GRK5: variants seen among roughly 807,000 people sequenced by gnomAD.
GRK5 encodes g protein-coupled receptor kinase GRK5.
In GRK5, 40 loss-of-function variants were observed where a neutral mutation model predicts 78.4. The observed-to-expected ratio is 0.51, with a 90% CI of 0.40 to 0.66. The LOEUF is 0.66. GRK5 is among the 30% of genes least tolerant of loss of function. GRK5 has a pLI of 0.00. For missense variants in GRK5, 598 were observed against 759.9 expected (o/e 0.79, Z 2.50); for synonymous variants, 289 against 296.8 (o/e 0.97, Z 0.27).
At chr10:119,208,103 C>T (rs189153116) in intron 1 of GRK5, 134 bp downstream of exon 1, 3 of 760,452 alleles carry the variant, frequency 3.9e-6, no homozygotes, top group South Asian at 3.8e-5. Flanking sequence ...CAGGACACTT[C>T]GGAGAGCGGC....
At chr10:119,260,984 G>T (rs1301500739) in intron 1 of GRK5, among the ~76,000 whole-genome samples, 4 of 150,216 alleles carry the variant, frequency 2.7e-5, no homozygotes, top group Non-Finnish European at 4.5e-5. Flanking sequence ...AGGGGCGGCC[G>T]GGCAGAGGCA....
chr10:119,304,851 G>A (rs1003515890), intron 1 of GRK5, among the ~76,000 whole-genome samples: 3 of 152,214 alleles, frequency 2.0e-5, no homozygotes, highest in African/African-American at 7.2e-5. Context: ...TTGCAGAAAG[G>A]CAGTTGTTCG....
chr10:119,237,789 G>T (rs1409265508), intron 1 of GRK5, among the ~76,000 whole-genome samples: 7 of 152,292 alleles, frequency 4.6e-5, no homozygotes, highest in Middle Eastern at 3.4e-3. Context: ...CTGGAAAATA[G>T]AAAGGACAAA....
chr10:119,430,140 C>T lies in GRK5; in HGVS notation c.534-235C>T, dbSNP rs1294322684. On this transcript the variant is annotated intron_variant, in intron 6 of 15. Transcript: ENST00000392870. The surrounding 1 kb of genome is among the most constrained non-coding windows in gnomAD (Gnocchi z 4.5). ...CTGAGCAAGCGAGGCTTGTGCATCC[C>T]CCAGCTTGCAGGGGGCTGGGGGCTG... Among the ~76,000 whole-genome samples the T allele has an allele frequency of 6.6e-6, 1 of 152,162 alleles. No homozygotes were observed.
At chr10:119,285,068 C>T (rs903490300) in intron 1 of GRK5, among the ~76,000 whole-genome samples, 69 of 152,210 alleles carry the variant, frequency 4.5e-4, no homozygotes, top group African/African-American at 1.6e-3. Flanking sequence ...TCAGACATAA[C>T]AGAGGTTCTG....
chr10:119,375,389 C>T (rs1851607718), intron 2 of GRK5, among the ~76,000 whole-genome samples: 1 of 152,212 alleles, frequency 6.6e-6, no homozygotes, highest in African/African-American at 2.4e-5. Context: ...ATTGTCTGCT[C>T]ATTCCCATAT....
intron 2 of GRK5, among the ~76,000 whole-genome samples, chr10:119,361,902 A>G (rs1851369387): frequency 7.0e-6 from 1 of 143,660 alleles, no homozygotes; most frequent in Non-Finnish European, 1.5e-5. Flanking sequence ...TGGAGGTTGC[A>G]GTGAGCCGAG....
intron 13 of GRK5, among the ~76,000 whole-genome samples, chr10:119,451,924 G>C (rs1853295139): frequency 6.6e-6 from 1 of 152,092 alleles, no homozygotes. Flanking sequence ...ACCAGGTCTG[G>C]GGATCCCTTC....
chr10:119,346,288 G>A (rs185677285), intron 2 of GRK5, among the ~76,000 whole-genome samples: 4 of 152,172 alleles, frequency 2.6e-5, no homozygotes, highest in Admixed American at 6.5e-5. Context: ...GAGCATGCCC[G>A]TGCAGCCCTA....
chr10:119,366,675 T>C (rs1851455894), intron 2 of GRK5, among the ~76,000 whole-genome samples: 1 of 152,272 alleles, frequency 6.6e-6, no homozygotes, highest in East Asian at 1.9e-4. Flanking sequence ...GGAGCACCCC[T>C]GGACCTGAGG....
intron 4 of GRK5, among the ~76,000 whole-genome samples, chr10:119,401,441 G>A (rs775395317): frequency 3.3e-5 from 5 of 152,196 alleles, no homozygotes; most frequent in Admixed American, 1.3e-4. Context: ...GTTGAAAGCT[G>A]TTGGAGAGCT....
intron 12 of GRK5, among the ~76,000 whole-genome samples, chr10:119,444,557 G>A (rs540926835): frequency 1.3e-5 from 2 of 152,278 alleles, no homozygotes; most frequent in South Asian, 2.1e-4. Context: ...CCCCCTTGGG[G>A]CCCTCCTCCT....
chr10:119,347,736 G>A (rs80220894), intron 2 of GRK5, among the ~76,000 whole-genome samples: 5,585 of 152,360 alleles, frequency 0.037, 196 homozygotes, highest in Admixed American at 0.091. Context: ...CATCGTGCAT[G>A]AGAAGCATGG....
rs1852822747 is a variant in GRK5 at position 119,431,708 on chromosome 10, G to T, written c.738+181G>T. ...TTCCTCCATCACACGGCCCATTGTG[G>T]TCGACTGTGGCTGGCTTTGTCCCAT... On this transcript the variant is annotated intron_variant, in intron 8 of 15. Coordinates refer to ENST00000392870, the MANE Select transcript of GRK5 (RefSeq NM_005308.3). This position sits in a 1 kb window ranked among gnomAD's most constrained non-coding sequence, Gnocchi z 4.8. Among the ~76,000 whole-genome samples, 1 of 152,250 alleles carries T rather than the reference G, an allele frequency of 6.6e-6. No individual in the cohort carries two copies. Among genetic ancestry groups the T allele is most frequent in the Non-Finnish European group, 1.5e-5 (1 of 68,044 alleles).
Position 119,238,276 on chromosome 10 carries a change from C to CG in GRK5, c.52+30313dup, listed in dbSNP as rs565691898. On this transcript the variant is annotated intron_variant, in intron 1 of 15. Transcript: ENST00000392870. This position sits in a 1 kb window ranked among gnomAD's most constrained non-coding sequence, Gnocchi z 4.7. Reference sequence around the variant, plus strand: ...TCCTGGGTGGAGGGTGGACGGGAAGCGGGGGGCCTTCTGCTGAAGATCTCA... The same window carrying CG: ...TCCTGGGTGGAGGGTGGACGGGAAGCGGGGGGGCCTTCTGCTGAAGATCTCA... Among the ~76,000 whole-genome samples the CG allele has an allele frequency of 2.0e-5, 3 of 152,124 alleles. No individual in the cohort carries two copies. Among genetic ancestry groups the CG allele is most frequent in the East Asian group, 3.9e-4 (2 of 5,166 alleles).
chr10:119,223,057 G>A (rs1217588790), intron 1 of GRK5, among the ~76,000 whole-genome samples: 2 of 152,196 alleles, frequency 1.3e-5, no homozygotes, highest in Admixed American at 1.3e-4. Flanking sequence ...ATCTATTGTC[G>A]CACAGTTCTG....
chr10:119,454,897 C>T (rs1853371379), intron 15 of GRK5, 72 bp from the exon 16 acceptor site: 4 of 1,005,058 alleles, frequency 4.0e-6, no homozygotes, highest in Non-Finnish European at 6.3e-6. Context: ...AGAGGCAGCC[C>T]CGACCCATCC....
At chr10:119,286,011 AG>A (rs1849841740) in intron 1 of GRK5, among the ~76,000 whole-genome samples, 1 of 148,758 alleles carries the variant, frequency 6.7e-6, no homozygotes, top group African/African-American at 2.5e-5. Context: ...CCACAAATCC[AG>A]GGGGTTATTC....
At chr10:119,351,007 G>A (rs569083319) in intron 2 of GRK5, among the ~76,000 whole-genome samples, 39 of 152,274 alleles carry the variant, frequency 2.6e-4, no homozygotes, top group African/African-American at 9.4e-4. Flanking sequence ...AGAGATAAGT[G>A]CAACCCAGGC....
Sources: allele counts gnomAD v4.1 joint callset (sites outside exome capture counted in the v4.1 genomes callset), GRCh38; gene constraint gnomAD v4.1.1; non-coding constraint Gnocchi (gnomAD v3.1); transcripts MANE v1.5; gene names NCBI Gene and HGNC (gene_info 2026-07-23, HGNC 2026-07-21).